The following MEGF11 variants were observed in gnomAD, a reference collection of about 807,000 sequenced individuals.
MEGF11 encodes the protein multiple epidermal growth factor-like domains protein 11.
Under a neutral mutation model 146.6 loss-of-function variants are expected in MEGF11, and 126 were observed. That is an observed-to-expected ratio of 0.86 (90% CI 0.74 to 1.00). The LOEUF (loss-of-function observed/expected upper bound fraction) is 1.00, where lower values mean the gene tolerates loss of function less well. MEGF11 is among the 50% of genes least tolerant of loss of function. The pLI, the probability that MEGF11 is intolerant of heterozygous loss-of-function variation, is 0.00. For synonymous variants in MEGF11, 532 were observed against 583.4 expected (o/e 0.91, Z 1.27); for missense variants, 1,509 against 1,521.2 (o/e 0.99, Z 0.13).
chr15:66,001,809 G>A (rs28446381), intron 5 of MEGF11, among the ~76,000 whole-genome samples: 2,640 of 152,198 alleles, frequency 0.017, 71 homozygotes, highest in African/African-American at 0.058. Context: ...TCCCCGAAGT[G>A]TGGGGTTTTC....
chr15:65,996,810 A>AT (rs550336576), intron 5 of MEGF11, among the ~76,000 whole-genome samples: 125 of 152,278 alleles, frequency 8.2e-4, no homozygotes, highest in Non-Finnish European at 1.2e-3. Context: ...CAGCACCTCT[A>AT]TGCTGACCAG....
intron 10 of MEGF11, among the ~76,000 whole-genome samples, chr15:65,953,987 G>T (rs1476112486): frequency 6.6e-6 from 1 of 152,118 alleles, no homozygotes; most frequent in Non-Finnish European, 1.5e-5. Context: ...GAGAGCTGGG[G>T]TGGGAGGGGA....
chr15:66,049,939 A>G (rs1160862629), intron 5 of MEGF11, among the ~76,000 whole-genome samples: 6 of 152,232 alleles, frequency 3.9e-5, no homozygotes, highest in African/African-American at 1.4e-4. Flanking sequence ...TATTCATTCA[A>G]GCAACTAATA....
intron 1 of MEGF11, among the ~76,000 whole-genome samples, chr15:66,155,035 T>C (rs1332833805): frequency 1.3e-5 from 2 of 152,218 alleles, no homozygotes; most frequent in African/African-American, 4.8e-5. Flanking sequence ...ATGTCAGAGT[T>C]GGAAGGGATC....
intron 5 of MEGF11, among the ~76,000 whole-genome samples, chr15:66,058,421 T>C (rs753441151): frequency 6.6e-6 from 1 of 152,164 alleles, no homozygotes; most frequent in Non-Finnish European, 1.5e-5. Context: ...CCAAAAGGCC[T>C]ACTTAGGCTA....
At chr15:66,033,267 C>G (rs1372804797) in intron 5 of MEGF11, among the ~76,000 whole-genome samples, 1 of 152,148 alleles carries the variant, frequency 6.6e-6, no homozygotes, top group Non-Finnish European at 1.5e-5. Context: ...CCCTGAAGAA[C>G]ATTTCAGAGA....
At chr15:66,002,047 C>A (rs1441389531) in intron 5 of MEGF11, among the ~76,000 whole-genome samples, 3 of 152,082 alleles carry the variant, frequency 2.0e-5, no homozygotes, top group Non-Finnish European at 4.4e-5. Context: ...TCCCCTCACA[C>A]CACAACCCCA....
chr15:66,092,058 C>T (rs1315593224), intron 5 of MEGF11, among the ~76,000 whole-genome samples: 2 of 152,198 alleles, frequency 1.3e-5, no homozygotes, highest in Non-Finnish European at 2.9e-5. Context: ...ATTCCAGGGA[C>T]AAGGAGCATC....
intron 10 of MEGF11, among the ~76,000 whole-genome samples, chr15:65,946,437 G>C (rs540751511): frequency 6.6e-6 from 1 of 152,298 alleles, no homozygotes; most frequent in East Asian, 1.9e-4. Flanking sequence ...CCTACTACAT[G>C]CTCTATCACC....
At chr15:65,998,632 G>A (rs1402107380) in intron 5 of MEGF11, among the ~76,000 whole-genome samples, 5 of 152,132 alleles carry the variant, frequency 3.3e-5, no homozygotes, top group Non-Finnish European at 1.5e-5. Context: ...GCCAGAAGTT[G>A]GAGACGTAAG....
chr15:65,965,438 T>C (rs1287386941), intron 8 of MEGF11: 4 of 293,742 alleles, frequency 1.4e-5, no homozygotes, highest in East Asian at 5.8e-5. Flanking sequence ...ATGGTTTAAA[T>C]GTTTCTCTCA....
At chr15:66,040,966 T>C (rs945096626) in intron 5 of MEGF11, among the ~76,000 whole-genome samples, 1 of 150,560 alleles carries the variant, frequency 6.6e-6, no homozygotes, top group African/African-American at 2.4e-5. Flanking sequence ...AGGCTGACAA[T>C]AGCCCTGCCC....
intron 5 of MEGF11, among the ~76,000 whole-genome samples, chr15:66,028,574 A>G (rs1223250241): frequency 1.3e-5 from 2 of 152,248 alleles, no homozygotes; most frequent in Admixed American, 6.5e-5. Context: ...ATTCAAAAGA[A>G]TAACAATTAT....
chr15:66,207,246 G>T (rs1033394820), intron 1 of MEGF11, among the ~76,000 whole-genome samples: 7 of 152,168 alleles, frequency 4.6e-5, no homozygotes, highest in African/African-American at 1.7e-4. Flanking sequence ...TCCACACCTA[G>T]ACACATCATA....
intron 21 of MEGF11, 83 bp from the exon 22 acceptor site, chr15:65,909,889 A>G (rs2078744592): frequency 1.6e-6 from 2 of 1,214,762 alleles, no homozygotes; most frequent in African/African-American, 3.0e-5. Context: ...GCTTCAGTGC[A>G]CACACCCTGT....
intron 5 of MEGF11, among the ~76,000 whole-genome samples, chr15:66,009,846 G>A (rs933461301): frequency 8.6e-5 from 13 of 151,826 alleles, no homozygotes; most frequent in African/African-American, 2.9e-4. Flanking sequence ...CACCCACATC[G>A]GCCTCCCAAA....
rs530199030 is a variant in MEGF11, at chr15:65,930,722, C to T, written c.1408+101G>A. On this transcript the variant is annotated intron_variant, in intron 11 of 25. Transcript: ENST00000395614. ...GGCTCCCTGACCTTGCATGTGGGGGCGGGGGTTGGGGCAGCCCCACCTGAG... is the reference window on the plus strand; with the variant it reads ...GGCTCCCTGACCTTGCATGTGGGGGTGGGGGTTGGGGCAGCCCCACCTGAG... The T allele has an allele frequency of 2.0e-5, 28 of 1,391,952 alleles. No individual in the cohort carries two copies. In the South Asian group the frequency reaches 2.1e-4, roughly 10 times the overall value. 86.2% of individuals were successfully genotyped at this position (1,391,952 alleles called of 1,614,324 possible). A position where few individuals can be genotyped will look rare whatever the true frequency, so the allele number is the denominator to read the frequency against.
At chr15:66,155,300 A>T (rs1485333229) in intron 1 of MEGF11, among the ~76,000 whole-genome samples, 1 of 152,158 alleles carries the variant, frequency 6.6e-6, no homozygotes, top group Non-Finnish European at 1.5e-5. Flanking sequence ...GCAAGACAGG[A>T]GGGAGAGCCC....
At chr15:66,140,096 GC>G (rs754143173) in intron 1 of MEGF11, among the ~76,000 whole-genome samples, 9 of 152,164 alleles carry the variant, frequency 5.9e-5, no homozygotes, top group Non-Finnish European at 1.0e-4. Flanking sequence ...CTGAAAAGCA[GC>G]TTTTAGGGCT....
Sources: allele counts gnomAD v4.1 joint callset (sites outside exome capture counted in the v4.1 genomes callset), GRCh38; gene constraint gnomAD v4.1.1; transcripts MANE v1.5; gene names NCBI Gene and HGNC (gene_info 2026-07-23, HGNC 2026-07-21).